The following XXYLT1 variants were observed in gnomAD, a reference collection of about 807,000 sequenced individuals.
The protein encoded by XXYLT1 is UDP-xylose:alpha-xyloside alpha-1,3-xylosyltransferase.
A neutral mutation model predicts 28.9 loss-of-function variants in XXYLT1; 20 were observed. The observed-to-expected ratio is 0.69, with a 90% CI of 0.49 to 1.00. The LOEUF is 1.00. Ranked by LOEUF, XXYLT1 falls within the 50% of genes least tolerant of loss-of-function variation. The pLI is 0.00. For missense variants in XXYLT1, 542 were observed against 560.1 expected (o/e 0.97, Z 0.33); for synonymous variants, 257 against 253.8 (o/e 1.01, Z -0.12).
At chr3:195,122,019 T>G (rs1175429370) in intron 3 of XXYLT1, 2 of 702,910 alleles carry the variant, frequency 2.8e-6, no homozygotes, top group Non-Finnish European at 5.2e-6. Context: ...AGAAGTCAAG[T>G]TCTTACAGTT....
At chr3:195,097,810 T>C (rs112603336) in intron 3 of XXYLT1, among the ~76,000 whole-genome samples, 26,305 of 151,846 alleles carry the variant, frequency 0.17, 2,854 homozygotes, top group Admixed American at 0.3. Flanking sequence ...CTCACACAAA[T>C]GCCCCCACCC....
intron 2 of XXYLT1, among the ~76,000 whole-genome samples, chr3:195,172,256 A>C (rs1157375088): frequency 2.0e-5 from 3 of 152,168 alleles, no homozygotes; most frequent in Non-Finnish European, 4.4e-5. Flanking sequence ...TTCCTCCTGC[A>C]CCTAACGAGA....
At chr3:195,104,198 C>CGTGTGTGTGTGTGTGTGT (rs59361512) in intron 3 of XXYLT1, among the ~76,000 whole-genome samples, 1 of 141,978 alleles carries the variant, frequency 7.0e-6, no homozygotes, top group African/African-American at 2.7e-5. Context: ...ATGAGGGCTC[C>CGTGTGTGTGTGTGTGTGT]GTGTGTGTGT....
intron 1 of XXYLT1, among the ~76,000 whole-genome samples, chr3:195,260,672 GGCT>G (rs1026000468): frequency 6.6e-6 from 1 of 152,200 alleles, no homozygotes; most frequent in East Asian, 1.9e-4. Flanking sequence ...AAAAAGACGG[GGCT>G]GCTGCTATCA....
intron 3 of XXYLT1, among the ~76,000 whole-genome samples, chr3:195,103,416 GCCAGCGGCCTGCGTCCATCACCCCACA>G (rs746942696): frequency 0.011 from 1,205 of 106,336 alleles, 48 homozygotes; most frequent in African/African-American, 0.043. Flanking sequence ...ATCACCCCAC[GCCAGCGGCCTGCGTCCATCACCCCACA>G]CCAGCGGCCT....
intron 1 of XXYLT1, among the ~76,000 whole-genome samples, chr3:195,265,727 T>C (rs1725829853): frequency 1.3e-5 from 2 of 151,888 alleles, no homozygotes; most frequent in African/African-American, 4.8e-5. Context: ...TAAACTGGAG[T>C]AAATGCGACC....
At chr3:195,202,880 C>T (rs1460648250) in intron 2 of XXYLT1, among the ~76,000 whole-genome samples, 2 of 152,148 alleles carry the variant, frequency 1.3e-5, no homozygotes, top group African/African-American at 4.8e-5. Context: ...ATGTAGAAAT[C>T]ACAAGATAAT....
In XXYLT1 at chr3:195,176,905, A is replaced by G. The variant is rs887348195; in HGVS notation, c.653-20324T>C. Among the ~76,000 whole-genome samples the G allele has an allele frequency of 2.6e-5, 4 of 152,220 alleles. No individual in the cohort carries two copies. The highest frequency in any genetic ancestry group is 9.6e-5 in the African/African-American group (4 of 41,466). On this transcript the variant is annotated intron_variant, in intron 2 of 3. Transcript: ENST00000310380. The surrounding 1 kb of genome is among the most constrained non-coding windows in gnomAD (Gnocchi z 4.9). ...AGGCCGACTCCTTGGAACCAGCAAG[A>G]AACTCTCAAGCCCCCGCCTAGGGAC...
At chr3:195,259,854 G>A (rs1725617860) in intron 1 of XXYLT1, among the ~76,000 whole-genome samples, 1 of 152,218 alleles carries the variant, frequency 6.6e-6, no homozygotes. Context: ...CGGGTGTGAC[G>A]GGGACCGGGC....
intron 2 of XXYLT1, among the ~76,000 whole-genome samples, chr3:195,203,130 C>T (rs754439345): frequency 3.9e-5 from 6 of 151,942 alleles, no homozygotes; most frequent in Non-Finnish European, 8.8e-5. Context: ...TTTTTAAAAA[C>T]CTTCATAGAA....
intron 2 of XXYLT1, chr3:195,175,531 T>A: frequency 6.6e-7 from 1 of 1,518,932 alleles, no homozygotes; most frequent in Non-Finnish European, 8.8e-7. Flanking sequence ...CCATGGGCTG[T>A]TCAGATGGAG....
In XXYLT1 at chr3:195,126,305, C is replaced by T. The variant is rs112943848; in HGVS notation, c.785+30144G>A. The stretch of plus-strand genomic sequence containing the variant: ...AAGCGGTGGGGTATTCGTTACCGCA[C>T]CTGACCCTCTTTGGCGCTGTCCTGG... On this transcript the variant is annotated intron_variant, in intron 3 of 3. Transcript: ENST00000310380. Among the ~76,000 whole-genome samples, 1,002 of 152,318 alleles carry T rather than the reference C, an allele frequency of 6.6e-3. 17 individuals carry two copies. Among genetic ancestry groups the T allele is most frequent in the African/African-American group, 0.022 (919 of 41,564 alleles).
chr3:195,181,033 G>A (rs1341789176), intron 2 of XXYLT1, among the ~76,000 whole-genome samples: 3 of 152,232 alleles, frequency 2.0e-5, no homozygotes, highest in African/African-American at 4.8e-5. Context: ...AGACAAGGCC[G>A]GAGCATCTGA....
At chr3:195,151,906 G>A (rs934156175) in intron 3 of XXYLT1, among the ~76,000 whole-genome samples, 2 of 151,902 alleles carry the variant, frequency 1.3e-5, no homozygotes, top group African/African-American at 4.8e-5. Flanking sequence ...AGGGAGTGAC[G>A]GAGGGGAAAT....
intron 3 of XXYLT1, among the ~76,000 whole-genome samples, chr3:195,088,515 A>C (rs1357116857): frequency 2.8e-4 from 37 of 131,922 alleles, no homozygotes; most frequent in African/African-American, 9.6e-4. Context: ...CCACACCAAA[A>C]ACCCATCTGT....
intron 3 of XXYLT1, among the ~76,000 whole-genome samples, chr3:195,142,354 G>A (rs1719536478): frequency 6.6e-6 from 1 of 152,168 alleles, no homozygotes; most frequent in African/African-American, 2.4e-5. Flanking sequence ...AGTCTTCGGT[G>A]GCAGGGTCTC....
rs559534025 is a variant in XXYLT1, at chr3:195,200,471, G to T, written c.652+26238C>A. ...GGTACTGGAATTCCATTGCTTCTCT[G>T]GAATCAAGCCTGGAAAATGCTTCTC... On this transcript the variant is annotated intron_variant, in intron 2 of 3. Transcript: ENST00000310380. Among the ~76,000 whole-genome samples, 43 of 152,302 alleles carry T rather than the reference G, an allele frequency of 2.8e-4. 1 individual carries two copies. In the South Asian group the frequency reaches 7.9e-3, roughly 28 times the overall value.
rs923342979 is a variant in XXYLT1 at position 195,240,853 on chromosome 3, G to A, written c.505-13997C>T. On this transcript the variant is annotated intron_variant, in intron 1 of 3. Coordinates refer to ENST00000310380, the MANE Select transcript of XXYLT1 (RefSeq NM_152531.5). This position sits in a 1 kb window ranked among gnomAD's most constrained non-coding sequence, Gnocchi z 4.7. The stretch of plus-strand genomic sequence containing the variant: ...AGGCAGGAGGATCGCTTGAACCTGG[G>A]AGGCGGAGGTTGCAGTGAGCTGAGA... 6.6e-6 allele frequency among the ~76,000 whole-genome samples: 1 copy of A among 152,234 alleles called. No individual in the cohort carries two copies. Among genetic ancestry groups the A allele is most frequent in the African/African-American group, 2.4e-5 (1 of 41,480 alleles).
At chr3:195,190,765 G>A (rs905203648) in intron 2 of XXYLT1, among the ~76,000 whole-genome samples, 3 of 152,024 alleles carry the variant, frequency 2.0e-5, no homozygotes, top group Admixed American at 2.0e-4. Context: ...TATGGAAGGG[G>A]GAAAGAATGG....
Sources: allele counts gnomAD v4.1 joint callset (sites outside exome capture counted in the v4.1 genomes callset), GRCh38; gene constraint gnomAD v4.1.1; non-coding constraint Gnocchi (gnomAD v3.1); transcripts MANE v1.5; gene names NCBI Gene and HGNC (gene_info 2026-07-23, HGNC 2026-07-21).